Variants in CNTN4 observed in about 807,000 individuals in gnomAD.
CNTN4 encodes contactin 4.
In CNTN4, 77 loss-of-function variants were observed where a neutral mutation model predicts 122.5. The ratio of observed to expected loss-of-function variants is 0.63; its 90% confidence interval spans 0.52 to 0.76. The LOEUF (loss-of-function observed/expected upper bound fraction) is 0.76, where lower values mean the gene tolerates loss of function less well. Among genes scored for constraint, CNTN4 ranks in the 30% least tolerant of loss-of-function variants. The probability of loss-of-function intolerance (pLI) is 0.00; values close to 1 mark genes in which losing one functional copy is unlikely to be tolerated. For synonymous variants in CNTN4, 512 were observed against 447.0 expected, an observed-to-expected ratio of 1.15 and a Z score of -1.83; for missense variants, 1,256 against 1,259.1, an observed-to-expected ratio of 1.00 and a Z score of 0.04.
At chr3:2,580,023 T>C (rs1209577462) in intron 4 of CNTN4, among the ~76,000 whole-genome samples, 2 of 134,888 alleles carry the variant, frequency 1.5e-5, no homozygotes, top group Non-Finnish European at 3.2e-5. Flanking sequence ...AATACCTAAA[T>C]TGGTTAAGCT....
intron 3 of CNTN4, among the ~76,000 whole-genome samples, chr3:2,536,116 C>T (rs745426536): frequency 6.6e-6 from 1 of 152,140 alleles, no homozygotes; most frequent in Non-Finnish European, 1.5e-5. Context: ...GTCCACAGGA[C>T]TCTCCAATAG....
intron 13 of CNTN4, among the ~76,000 whole-genome samples, chr3:2,939,851 G>T (rs1431701863): frequency 6.6e-6 from 1 of 152,342 alleles, no homozygotes; most frequent in African/African-American, 2.4e-5. Flanking sequence ...GCTCAAAAGA[G>T]TGGATTCTGC....
intron 2 of CNTN4, among the ~76,000 whole-genome samples, chr3:2,269,553 A>G (rs2041185198): frequency 6.6e-6 from 1 of 152,092 alleles, no homozygotes; most frequent in African/African-American, 2.4e-5. Flanking sequence ...TAAATACTTC[A>G]GGATTTTGAT....
chr3:2,629,866 A>G (rs996325955), intron 4 of CNTN4, among the ~76,000 whole-genome samples: 1 of 152,010 alleles, frequency 6.6e-6, no homozygotes, highest in Non-Finnish European at 1.5e-5. Flanking sequence ...ATCCATGGAC[A>G]TTTCCCGCCA....
intron 2 of CNTN4, among the ~76,000 whole-genome samples, chr3:2,311,241 T>C (rs1038941421): frequency 6.6e-6 from 1 of 152,128 alleles, no homozygotes; most frequent in African/African-American, 2.4e-5. Flanking sequence ...CTTCAGAAAG[T>C]AAAGCATTGC....
intron 3 of CNTN4, among the ~76,000 whole-genome samples, chr3:2,465,569 C>G (rs933563631): frequency 2.4e-4 from 36 of 152,048 alleles, no homozygotes; most frequent in African/African-American, 8.4e-4. Flanking sequence ...CCCAGCTACT[C>G]AGGAGGCTGA....
intron 6 of CNTN4, among the ~76,000 whole-genome samples, chr3:2,795,766 C>T (rs192915042): frequency 0.011 from 1,700 of 152,018 alleles, 43 homozygotes; most frequent in African/African-American, 0.039. Flanking sequence ...GTGATCCACC[C>T]GCCTCAGCCT....
intron 4 of CNTN4, among the ~76,000 whole-genome samples, chr3:2,685,429 C>G (rs886660444): frequency 4.6e-5 from 7 of 152,142 alleles, no homozygotes; most frequent in African/African-American, 1.7e-4. Flanking sequence ...ACCTGACTTT[C>G]TTGCATCTAG....
intron 3 of CNTN4, among the ~76,000 whole-genome samples, chr3:2,342,556 G>A (rs1031803742): frequency 2.6e-5 from 4 of 152,126 alleles, no homozygotes; most frequent in African/African-American, 9.7e-5. Context: ...GGAGGGAGCC[G>A]GTGGGAGGTA....
intron 19 of CNTN4, chr3:3,039,686 G>A: frequency 3.6e-6 from 1 of 274,016 alleles, no homozygotes; most frequent in South Asian, 4.5e-5. Context: ...TTTGGCAATG[G>A]AAGAAGATTA....
Position 2,430,442 on chromosome 3 carries a change from G to T in CNTN4, c.-89+91209G>T, listed in dbSNP as rs1378991550. Among the ~76,000 whole-genome samples, 8 of 143,912 alleles carry T rather than the reference G, an allele frequency of 5.6e-5. No individual in the cohort carries two copies. The South Asian group carries it at 1.8e-3, about 32-fold the overall frequency. 94.4% of individuals were successfully genotyped at this position (143,912 alleles called of 152,430 possible). A position where few individuals can be genotyped will look rare whatever the true frequency, so the allele number is the denominator to read the frequency against. Reference sequence around the variant, plus strand: ...TGTCTCAAAAAAAAAAAAAAAAAAAGGAAATGCAGAAATCACCTGTCTTCT... The same window carrying T: ...TGTCTCAAAAAAAAAAAAAAAAAAATGAAATGCAGAAATCACCTGTCTTCT... On this transcript the variant is annotated intron_variant, in intron 3 of 24. Transcript: ENST00000418658.
chr3:2,565,293 C>A (rs908523722), intron 3 of CNTN4, among the ~76,000 whole-genome samples: 1 of 152,126 alleles, frequency 6.6e-6, no homozygotes, highest in Non-Finnish European at 1.5e-5. Context: ...ATGATAAAAA[C>A]CAATTAACAC....
Position 2,185,715 on chromosome 3 carries a change from C to A in CNTN4, c.-145+85076C>A, listed in dbSNP as rs2037220288. Among the ~76,000 whole-genome samples the A allele has an allele frequency of 2.0e-5, 3 of 152,122 alleles. No homozygotes were observed. In the South Asian group the frequency reaches 6.2e-4, roughly 32 times the overall value. ...GGGTGTGATTTCCAGAGATCTTGGA[C>A]TGCCAATAATGGTACAAAGTATTTC... is the stretch of plus-strand genomic sequence containing the variant. On this transcript the variant is annotated intron_variant, in intron 2 of 24. Coordinates refer to ENST00000418658, the MANE Select transcript of CNTN4 (RefSeq NM_175607.3).
At chr3:2,159,084 A>T (rs1335697729) in intron 2 of CNTN4, among the ~76,000 whole-genome samples, 2 of 152,266 alleles carry the variant, frequency 1.3e-5, no homozygotes, top group African/African-American at 2.4e-5. Context: ...GACCTCTTGT[A>T]GCAGGCCTAT....
intron 4 of CNTN4, among the ~76,000 whole-genome samples, chr3:2,684,755 G>C (rs1414142664): frequency 6.6e-6 from 1 of 152,022 alleles, no homozygotes; most frequent in African/African-American, 2.4e-5. Context: ...CCTTGTCTAT[G>C]GTCATATTTA....
At position 2,959,962 on chromosome 3, in the gene CNTN4, C is replaced by G. The variant is rs186243194; in HGVS notation, c.1359-28383C>G. ...AGACTCAGGTAATATTTCCTGGACT[C>G]AATCATATGGGCATGAAACACTGCA... On this transcript the variant is annotated intron_variant, in intron 13 of 24. Transcript: ENST00000418658. Among the ~76,000 whole-genome samples, 40 of 152,278 alleles carry G rather than the reference C, an allele frequency of 2.6e-4. 1 individual carries two copies. In the East Asian group the frequency reaches 7.1e-3, roughly 27 times the overall value.
intron 2 of CNTN4, among the ~76,000 whole-genome samples, chr3:2,194,685 A>G (rs898363593): frequency 2.6e-5 from 4 of 152,200 alleles, no homozygotes; most frequent in Admixed American, 2.6e-4. Flanking sequence ...TGGCATCATT[A>G]TAAGGAGAGG....
chr3:2,307,564 T>C (rs113364681), intron 2 of CNTN4, among the ~76,000 whole-genome samples: 2,090 of 152,292 alleles, frequency 0.014, 19 homozygotes, highest in Non-Finnish European at 0.02. Flanking sequence ...TGCCCTTTTT[T>C]AGGTTTAGGA....
At chr3:2,341,543 G>A (rs1451930270) in intron 3 of CNTN4, among the ~76,000 whole-genome samples, 2 of 152,168 alleles carry the variant, frequency 1.3e-5, no homozygotes, top group African/African-American at 4.8e-5. Context: ...AATTTGGACT[G>A]AAAGGCAGGA....
Sources: gnomAD v4.1 joint callset for allele counts (sites outside exome capture counted in the v4.1 genomes callset) on GRCh38, gnomAD v4.1.1 for gene constraint, MANE v1.5 for transcripts, NCBI Gene and HGNC (gene_info 2026-07-23, HGNC 2026-07-21) for gene names.